ZNRF3: variants seen among roughly 807,000 people sequenced by gnomAD.
ZNRF3 encodes the protein E3 ubiquitin-protein ligase ZNRF3.
Under a neutral mutation model 72.5 loss-of-function variants are expected in ZNRF3, and 23 were observed. The ratio of observed to expected loss-of-function variants is 0.32; its 90% CI spans 0.23 to 0.45. The LOEUF is 0.45. ZNRF3 is among the 20% of genes least tolerant of loss of function. ZNRF3 has a pLI of 1.00. For synonymous variants in ZNRF3, 610 were observed against 545.3 expected (o/e 1.12, Z -1.65); for missense variants, 1,169 against 1,272.1 (o/e 0.92, Z 1.23).
intron 2 of ZNRF3, among the ~76,000 whole-genome samples, chr22:29,008,335 C>T (rs1268676759): frequency 3.3e-5 from 5 of 152,190 alleles, no homozygotes; most frequent in Admixed American, 1.3e-4. Flanking sequence ...GCTGATGACC[C>T]TGTTTGTGCT....
At chr22:28,995,207 G>A (rs942046112) in intron 2 of ZNRF3, among the ~76,000 whole-genome samples, 5 of 152,204 alleles carry the variant, frequency 3.3e-5, no homozygotes, top group South Asian at 4.1e-4. Context: ...GCTGAGGCGG[G>A]TGGATCACGA....
In ZNRF3 at chr22:29,044,857, T is replaced by G; in HGVS notation, c.711T>G (p.Leu237=). ...VVVSLVCLIL[L]VKIKLKQRRS... ...TCTCCTTGGTCTGCCTCATCCTCCT[T>G]GTCAAAATCAAGCTGAAGCAGCGAC... is the stretch of plus-strand genomic sequence containing the variant. The change falls in exon 5 of 9, where the codon CTT becomes CTG. Residue 237 remains leucine (L), a synonymous_variant. Transcript: ENST00000544604. The G allele has an allele frequency of 6.2e-7, 1 of 1,613,992 alleles. No homozygotes were observed. The highest frequency in any genetic ancestry group is 1.1e-5 in the South Asian group (1 of 91,076).
intron 2 of ZNRF3, among the ~76,000 whole-genome samples, chr22:29,000,693 G>T (rs1238968766): frequency 6.6e-6 from 1 of 152,208 alleles, no homozygotes; most frequent in African/African-American, 2.4e-5. Flanking sequence ...TTATGGTTCT[G>T]CAAGGTGTAC....
intron 1 of ZNRF3, among the ~76,000 whole-genome samples, chr22:28,985,310 C>T (rs1211365435): frequency 1.3e-5 from 2 of 152,148 alleles, no homozygotes. Flanking sequence ...ACCCTTCCTA[C>T]TCATCAGACT....
intron 1 of ZNRF3, among the ~76,000 whole-genome samples, chr22:28,889,416 A>G (rs2033847196): frequency 1.3e-5 from 2 of 152,166 alleles, no homozygotes; most frequent in Non-Finnish European, 2.9e-5. Context: ...TGAATAATCC[A>G]TTACCAAGAG....
At chr22:28,971,878 T>A (rs2035581852) in intron 1 of ZNRF3, among the ~76,000 whole-genome samples, 1 of 152,012 alleles carries the variant, frequency 6.6e-6, no homozygotes, top group African/African-American at 2.4e-5. Flanking sequence ...GCCTAAGTTT[T>A]TGTATTTTTT....
rs2123869795 is a variant in ZNRF3 at position 29,030,027 on chromosome 22, A to C, written c.427-12468A>C. 6.6e-6 allele frequency among the ~76,000 whole-genome samples: 1 copy of C among 152,336 alleles called. No homozygotes were observed. Among genetic ancestry groups the C allele is most frequent in the Non-Finnish European group, 1.5e-5 (1 of 68,016 alleles). On this transcript the variant is annotated intron_variant, in intron 2 of 8. Transcript: ENST00000544604. The surrounding 1 kb of genome is among the most constrained non-coding windows in gnomAD (Gnocchi z 4.2). ...AAACTCAACCAAGATAACGACTTCC[A>C]GGTTCTTCCAAAAGCTTATCTTCCA...
At chr22:29,046,035 C>T (rs1011893174) in intron 5 of ZNRF3, among the ~76,000 whole-genome samples, 1 of 152,222 alleles carries the variant, frequency 6.6e-6, no homozygotes, top group African/African-American at 2.4e-5. Flanking sequence ...AGGCCACCTA[C>T]ACAGTATACC....
intron 2 of ZNRF3, among the ~76,000 whole-genome samples, chr22:29,003,552 C>A (rs2036190987): frequency 6.6e-6 from 1 of 150,974 alleles, no homozygotes. Flanking sequence ...GTGCACGCAT[C>A]TCTTAAGAAG....
At position 29,048,730 on chromosome 22, in the gene ZNRF3, AT is replaced by A. The variant is rs912218809; in HGVS notation, c.1015+240del. Among the ~76,000 whole-genome samples the A allele has an allele frequency of 6.6e-6, 1 of 152,150 alleles. No individual in the cohort carries two copies. The highest frequency in any genetic ancestry group is 2.4e-5 in the African/African-American group (1 of 41,438). Reference sequence around the variant, plus strand: ...GCAGCTTCTTGACCTCGGGCAAGACATCTGGCCTCTCCTAGGCCTGAGGCCC... The same window carrying A: ...GCAGCTTCTTGACCTCGGGCAAGACACTGGCCTCTCCTAGGCCTGAGGCCC... On this transcript the variant is annotated intron_variant, in intron 7 of 8. Coordinates refer to ENST00000544604, the MANE Select transcript of ZNRF3 (RefSeq NM_001206998.2). This position sits in a 1 kb window ranked among gnomAD's most constrained non-coding sequence, Gnocchi z 4.9.
At chr22:29,001,059 C>CTTTTTTTTT (rs773296494) in intron 2 of ZNRF3, among the ~76,000 whole-genome samples, 4 of 77,954 alleles carry the variant, frequency 5.1e-5, no homozygotes, top group African/African-American at 9.2e-5. Flanking sequence ...AAAGCTTTGC[C>CTTTTTTTTT]TTTTTTTTTT....
chr22:29,011,573 A>C (rs1028386443), intron 2 of ZNRF3, among the ~76,000 whole-genome samples: 4 of 152,246 alleles, frequency 2.6e-5, no homozygotes, highest in Non-Finnish European at 5.9e-5. Flanking sequence ...TTTTCAACCA[A>C]ACTGTGCTTT....
Position 28,884,078 on chromosome 22 carries a change from C to T in ZNRF3, c.300+12C>T. On this transcript the variant is annotated intron_variant, in intron 1 of 8. Coordinates refer to ENST00000544604, the MANE Select transcript of ZNRF3 (RefSeq NM_001206998.2). ...GCGAGATCGTGCAGGTAGCTGCCCG[C>T]CGCCCGGGCCCCGCGCCGCCTCCGC... 2 of 1,210,112 alleles carry T rather than the reference C, an allele frequency of 1.7e-6. No homozygotes were observed. Among genetic ancestry groups the T allele is most frequent in the African/African-American group, 1.6e-5 (1 of 61,578 alleles). 75.0% of individuals were successfully genotyped at this position (1,210,112 alleles called of 1,614,324 possible). A position where few individuals can be genotyped will look rare whatever the true frequency, so the allele number is the denominator to read the frequency against.
intron 1 of ZNRF3, among the ~76,000 whole-genome samples, chr22:28,959,484 C>T (rs2035319254): frequency 6.6e-6 from 1 of 152,178 alleles, no homozygotes; most frequent in African/African-American, 2.4e-5. Flanking sequence ...AGAAGTAATA[C>T]CATCATGTTA....
At chr22:29,026,074 G>A (rs941486040) in intron 2 of ZNRF3, 63 of 152,144 alleles carry the variant, frequency 4.1e-4, no homozygotes, top group African/African-American at 1.4e-3. Flanking sequence ...CCATTGTGAT[G>A]ACTATTTATT....
intron 1 of ZNRF3, among the ~76,000 whole-genome samples, chr22:28,918,518 A>G (rs1334518759): frequency 7.1e-6 from 1 of 140,144 alleles, no homozygotes; most frequent in Non-Finnish European, 1.5e-5. Flanking sequence ...ACGTGTGTGT[A>G]TGTGTATCTG....
chr22:28,909,747 ATTTTTTTTTT>A (rs11432409), intron 1 of ZNRF3, among the ~76,000 whole-genome samples: 8 of 113,882 alleles, frequency 7.0e-5, no homozygotes, highest in Admixed American at 2.0e-4. Flanking sequence ...TGCCTGGCTA[ATTTTTTTTTT>A]TTTTTTTTTT....
intron 1 of ZNRF3, among the ~76,000 whole-genome samples, chr22:28,970,818 T>C (rs2035559996): frequency 6.6e-6 from 1 of 152,084 alleles, no homozygotes; most frequent in South Asian, 2.1e-4. Flanking sequence ...TAAACCAACT[T>C]ATATAGTAAC....
intron 1 of ZNRF3, among the ~76,000 whole-genome samples, chr22:28,934,132 T>A (rs1236182091): frequency 6.6e-6 from 1 of 152,188 alleles, no homozygotes; most frequent in Non-Finnish European, 1.5e-5. Context: ...TGGGAAGATC[T>A]TGGAGACTCT....
Sources: allele counts gnomAD v4.1 joint callset (sites outside exome capture counted in the v4.1 genomes callset), GRCh38; gene constraint gnomAD v4.1.1; non-coding constraint Gnocchi (gnomAD v3.1); transcripts MANE v1.5; gene names NCBI Gene and HGNC (gene_info 2026-07-23, HGNC 2026-07-21).